Variants in WWOX observed in about 807,000 individuals in gnomAD.
WWOX encodes WW domain-containing oxidoreductase.
Under a neutral mutation model 46.2 loss-of-function variants are expected in WWOX, and 69 were observed. The ratio of observed to expected loss-of-function variants is 1.49; its 90% confidence interval spans 1.23 to 1.82. The LOEUF is 1.82. WWOX is among the 40% of genes most tolerant of loss of function. The pLI, the probability that WWOX is intolerant of heterozygous loss-of-function variation, is 0.00. For synonymous variants in WWOX, 359 were observed against 202.6 expected (o/e 1.77, Z -6.56); for missense variants, 919 against 542.6 (o/e 1.69, Z -6.89).
intron 8 of WWOX, among the ~76,000 whole-genome samples, chr16:78,731,140 G>T (rs2048960445): frequency 6.6e-6 from 1 of 152,144 alleles, no homozygotes; most frequent in African/African-American, 2.4e-5. Flanking sequence ...TAACTGGGCT[G>T]TGTAAGCCAA....
intron 8 of WWOX, among the ~76,000 whole-genome samples, chr16:78,793,221 A>G (rs1012016005): frequency 3.3e-5 from 5 of 152,094 alleles, no homozygotes; most frequent in South Asian, 2.1e-4. Flanking sequence ...CACAATGCCC[A>G]GCTAATTTTT....
intron 5 of WWOX, among the ~76,000 whole-genome samples, chr16:78,287,495 A>G (rs927171066): frequency 1.3e-5 from 2 of 152,190 alleles, no homozygotes; most frequent in Admixed American, 1.3e-4. Context: ...GAATTGTGTT[A>G]TCGTCATCAA....
intron 8 of WWOX, among the ~76,000 whole-genome samples, chr16:78,834,942 A>T (rs1022277570): frequency 6.6e-6 from 1 of 152,198 alleles, no homozygotes; most frequent in African/African-American, 2.4e-5. Context: ...GTTCGTAATT[A>T]TTGAAGGGCT....
intron 5 of WWOX, among the ~76,000 whole-genome samples, chr16:78,295,190 T>C (rs2079924266): frequency 6.6e-6 from 1 of 152,126 alleles, no homozygotes; most frequent in Non-Finnish European, 1.5e-5. Flanking sequence ...AGATGTATCA[T>C]CTACAACCCT....
chr16:78,971,101 C>T (rs1314137950), intron 8 of WWOX, among the ~76,000 whole-genome samples: 1 of 151,800 alleles, frequency 6.6e-6, no homozygotes, highest in Non-Finnish European at 1.5e-5. Context: ...ATATATATAT[C>T]AGGTAAGATT....
chr16:78,959,640 A>G lies in WWOX; in HGVS notation c.1057-251968A>G, dbSNP rs564721466. On this transcript the variant is annotated intron_variant, in intron 8 of 8. Coordinates refer to ENST00000566780, the MANE Select transcript of WWOX (RefSeq NM_016373.4). ...ATAGGAAGGCCAGTGTCTTGGTGAA[A>G]GATCAAAGAGCTCATCAAAATTTGT... Among the ~76,000 whole-genome samples, 3 of 152,262 alleles carry G rather than the reference A, an allele frequency of 2.0e-5. No individual in the cohort carries two copies. The South Asian group carries it at 6.2e-4, about 32-fold the overall frequency.
At chr16:78,417,218 G>C (rs886471987) in intron 6 of WWOX, among the ~76,000 whole-genome samples, 9 of 152,066 alleles carry the variant, frequency 5.9e-5, no homozygotes, top group African/African-American at 2.2e-4. Flanking sequence ...GACTACAGGT[G>C]CATGCCACTG....
chr16:78,805,129 T>G lies in WWOX; in HGVS notation c.1056+372377T>G, dbSNP rs1432155947. On this transcript the variant is annotated intron_variant, in intron 8 of 8. Coordinates refer to ENST00000566780, the MANE Select transcript of WWOX (RefSeq NM_016373.4). ...AATATCACTACCAAAATATCAAAAT[T>G]TAAGGACTAGATTGTGAAATGTTTA... is the stretch of plus-strand genomic sequence containing the variant. 5.5e-5 allele frequency among the ~76,000 whole-genome samples: 8 copies of G among 146,652 alleles called. No individual in the cohort carries two copies. In the East Asian group the frequency reaches 1.6e-3, roughly 29 times the overall value.
chr16:78,962,594 C>T (rs375571317), intron 8 of WWOX, among the ~76,000 whole-genome samples: 7 of 152,154 alleles, frequency 4.6e-5, no homozygotes, highest in African/African-American at 1.7e-4. Context: ...GAATGCCTGG[C>T]ACAGGAAGAG....
intron 8 of WWOX, chr16:79,077,324 A>G (rs753549317): frequency 6.6e-6 from 1 of 152,190 alleles, no homozygotes; most frequent in Non-Finnish European, 1.5e-5. Context: ...TCAGCGTGGA[A>G]CAGGGCATGG....
At chr16:78,780,651 A>C (rs1045975131) in intron 8 of WWOX, among the ~76,000 whole-genome samples, 1 of 152,156 alleles carries the variant, frequency 6.6e-6, no homozygotes, top group Admixed American at 6.5e-5. Flanking sequence ...TGAACTTAAG[A>C]ATCAAAAACA....
At chr16:79,100,784 C>T (rs1361836777) in intron 8 of WWOX, among the ~76,000 whole-genome samples, 1 of 152,066 alleles carries the variant, frequency 6.6e-6, no homozygotes, top group Admixed American at 6.6e-5. Context: ...AGGCCTTCTT[C>T]CCTTTGGAAC....
In WWOX at chr16:78,687,185, A is replaced by G. The variant is rs78161174; in HGVS notation, c.1056+254433A>G. Among the ~76,000 whole-genome samples, 15 of 152,282 alleles carry G rather than the reference A, an allele frequency of 9.9e-5. No individual in the cohort carries two copies. In the East Asian group the frequency reaches 2.9e-3, roughly 29 times the overall value. ...GTTTCATATTTACACTGTTCAACAC[A>G]GTTCTCTTGTCTCTGTTCATGATAT... On this transcript the variant is annotated intron_variant, in intron 8 of 8. Coordinates refer to ENST00000566780, the MANE Select transcript of WWOX (RefSeq NM_016373.4).
intron 8 of WWOX, among the ~76,000 whole-genome samples, chr16:78,913,551 C>T (rs540521101): frequency 6.6e-6 from 1 of 152,024 alleles, no homozygotes; most frequent in African/African-American, 2.4e-5. Flanking sequence ...AGCAAAGTCA[C>T]TTGTCGATCA....
chr16:78,937,613 A>G (rs1429355618), intron 8 of WWOX, among the ~76,000 whole-genome samples: 1 of 143,296 alleles, frequency 7.0e-6, no homozygotes, highest in Non-Finnish European at 1.5e-5. Context: ...TTATTTATTT[A>G]TTTATTTATT....
intron 8 of WWOX, among the ~76,000 whole-genome samples, chr16:78,712,028 T>C (rs902817946): frequency 2.0e-5 from 3 of 152,134 alleles, no homozygotes; most frequent in Non-Finnish European, 4.4e-5. Flanking sequence ...CTCCCAATCA[T>C]AGGGCGCCTG....
chr16:78,178,214 G>T (rs2035410982), intron 5 of WWOX, among the ~76,000 whole-genome samples: 1 of 152,210 alleles, frequency 6.6e-6, no homozygotes, highest in Non-Finnish European at 1.5e-5. Context: ...GGGGATTAGG[G>T]CAGATTCAAA....
intron 8 of WWOX, among the ~76,000 whole-genome samples, chr16:78,932,190 C>T (rs539929802): frequency 3.3e-5 from 5 of 152,162 alleles, no homozygotes; most frequent in Non-Finnish European, 5.9e-5. Context: ...CCCAGTCCTT[C>T]GAACATGGAG....
chr16:78,286,400 T>C (rs893584838), intron 5 of WWOX, among the ~76,000 whole-genome samples: 1 of 152,250 alleles, frequency 6.6e-6, no homozygotes, highest in African/African-American at 2.4e-5. Flanking sequence ...TACTTTCTAG[T>C]ATTGTTAGAC....
Sources: gnomAD v4.1 joint callset for allele counts (sites outside exome capture counted in the v4.1 genomes callset) on GRCh38, gnomAD v4.1.1 for gene constraint, MANE v1.5 for transcripts, NCBI Gene and HGNC (gene_info 2026-07-23, HGNC 2026-07-21) for gene names.